The following ERC2 variants were observed in gnomAD, a reference collection of about 807,000 sequenced individuals.
The protein encoded by ERC2 is ELKS/RAB6-interacting/CAST family member 2.
In ERC2, 42 loss-of-function variants were observed where a neutral mutation model predicts 114.8. That is an observed-to-expected ratio of 0.37 (90% confidence interval 0.29 to 0.47). The LOEUF is 0.47. Ranked by LOEUF, ERC2 falls within the 20% of genes least tolerant of loss-of-function variation. The probability of loss-of-function intolerance (pLI) is 0.99; values close to 1 mark genes in which losing one functional copy is unlikely to be tolerated. For synonymous variants in ERC2, 454 were observed against 425.5 expected (o/e 1.07, Z -0.82); for missense variants, 939 against 1,150.7 (o/e 0.82, Z 2.66).
intron 17 of ERC2, among the ~76,000 whole-genome samples, chr3:55,512,189 A>G (rs946771220): frequency 2.0e-4 from 30 of 152,224 alleles, no homozygotes; most frequent in African/African-American, 7.2e-4. Flanking sequence ...AAGAATGCCA[A>G]AGATCCCAGT....
intron 17 of ERC2, among the ~76,000 whole-genome samples, chr3:55,666,230 G>A (rs1029983065): frequency 3.3e-5 from 5 of 152,150 alleles, no homozygotes; most frequent in African/African-American, 9.7e-5. Flanking sequence ...CAATCACTGC[G>A]CAGGAGACCA....
At chr3:56,370,933 A>G (rs751289990) in intron 2 of ERC2, among the ~76,000 whole-genome samples, 1 of 152,054 alleles carries the variant, frequency 6.6e-6, no homozygotes, top group African/African-American at 2.4e-5. Flanking sequence ...GAGACTATTA[A>G]TTGTTCTCAT....
chr3:55,797,779 G>A (rs2070636231), intron 14 of ERC2, among the ~76,000 whole-genome samples: 1 of 152,110 alleles, frequency 6.6e-6, no homozygotes, highest in South Asian at 2.1e-4. Flanking sequence ...TGCTAAGAGA[G>A]TAGATTTTAG....
intron 7 of ERC2, among the ~76,000 whole-genome samples, chr3:56,024,807 CA>C (rs2073943902): frequency 6.6e-6 from 1 of 152,226 alleles, no homozygotes; most frequent in Non-Finnish European, 1.5e-5. Context: ...TTCTTTCTCT[CA>C]AGTTCCTACA....
chr3:56,076,813 T>C (rs965610008), intron 7 of ERC2, among the ~76,000 whole-genome samples: 2 of 152,168 alleles, frequency 1.3e-5, no homozygotes, highest in African/African-American at 4.8e-5. Flanking sequence ...TCCATGCCTG[T>C]CTACATGGCT....
intron 12 of ERC2, among the ~76,000 whole-genome samples, chr3:55,984,482 G>A (rs1455840452): frequency 6.6e-6 from 1 of 152,096 alleles, no homozygotes; most frequent in Non-Finnish European, 1.5e-5. Flanking sequence ...AAAGGAGGGG[G>A]ATACAGGCAG....
intron 15 of ERC2, among the ~76,000 whole-genome samples, chr3:55,713,051 T>A (rs2063856329): frequency 6.6e-6 from 1 of 151,722 alleles, no homozygotes; most frequent in African/African-American, 2.4e-5. Flanking sequence ...ATGCTCTAAT[T>A]TACAATTGAT....
intron 3 of ERC2, among the ~76,000 whole-genome samples, chr3:56,286,553 G>A (rs959082814): frequency 3.3e-5 from 5 of 151,078 alleles, no homozygotes; most frequent in African/African-American, 1.2e-4. Flanking sequence ...TTTACCAAAT[G>A]TCTTGATTCA....
intron 3 of ERC2, among the ~76,000 whole-genome samples, chr3:56,280,160 G>C (rs1205684423): frequency 6.6e-6 from 1 of 152,134 alleles, no homozygotes; most frequent in Non-Finnish European, 1.5e-5. Flanking sequence ...GTGTTGGCTG[G>C]AAAATGGAGG....
intron 3 of ERC2, among the ~76,000 whole-genome samples, chr3:56,281,436 CAA>C (rs71099629): frequency 2.1e-5 from 1 of 47,530 alleles, no homozygotes; most frequent in Non-Finnish European, 3.5e-5. Context: ...GACTCCGTCT[CAA>C]AAAAAAAAAA....
intron 17 of ERC2, among the ~76,000 whole-genome samples, chr3:55,583,523 C>CCCTCCCTTCCTTCCTTCCTT (rs1559693276): frequency 8.1e-5 from 3 of 36,904 alleles, no homozygotes; most frequent in African/African-American, 2.8e-4. Context: ...CTCCCTCCCT[C>CCCTCCCTTCCTTCCTTCCTT]CCTTCCTTCC....
At chr3:55,735,623 G>A (rs1184563029) in intron 14 of ERC2, among the ~76,000 whole-genome samples, 1 of 152,072 alleles carries the variant, frequency 6.6e-6, no homozygotes, top group Non-Finnish European at 1.5e-5. Context: ...TAATGCCCCT[G>A]CCTTTTAATA....
chr3:56,385,992 C>G (rs1340749521), intron 2 of ERC2, among the ~76,000 whole-genome samples: 2 of 152,122 alleles, frequency 1.3e-5, no homozygotes, highest in Non-Finnish European at 2.9e-5. Context: ...GCATTATGAA[C>G]TACTGATAGA....
intron 17 of ERC2, among the ~76,000 whole-genome samples, chr3:55,523,076 A>G (rs1401823601): frequency 1.3e-5 from 2 of 152,212 alleles, no homozygotes; most frequent in Non-Finnish European, 2.9e-5. Context: ...AGGCTAGGAA[A>G]TGCCTTTGGG....
At chr3:56,406,407 G>C in intron 2 of ERC2, among the ~76,000 whole-genome samples, 1 of 152,290 alleles carries the variant, frequency 6.6e-6, no homozygotes, top group Admixed American at 6.5e-5. Flanking sequence ...ACAGTCCCCA[G>C]GGATGTACAC....
intron 17 of ERC2, among the ~76,000 whole-genome samples, chr3:55,528,218 C>T (rs943046901): frequency 2.0e-5 from 3 of 152,142 alleles, no homozygotes; most frequent in Non-Finnish European, 4.4e-5. Flanking sequence ...AGAAACAAAA[C>T]CCTGCCTAGG....
At chr3:56,324,598 A>G (rs1405816945) in intron 2 of ERC2, among the ~76,000 whole-genome samples, 1 of 152,104 alleles carries the variant, frequency 6.6e-6, no homozygotes, top group Non-Finnish European at 1.5e-5. Context: ...ACGGGCCTTC[A>G]TGCATCTTCA....
chr3:55,699,088 A>G (rs1489894126), intron 16 of ERC2, among the ~76,000 whole-genome samples: 1 of 152,018 alleles, frequency 6.6e-6, no homozygotes, highest in Admixed American at 6.5e-5. Flanking sequence ...TTCCAAAGTA[A>G]CCCGCCATGA....
chr3:55,800,896 G>A (rs190796955), intron 14 of ERC2, among the ~76,000 whole-genome samples: 213 of 152,222 alleles, frequency 1.4e-3, no homozygotes, highest in African/African-American at 5.1e-3. Context: ...CCTCAGACTG[G>A]CTGTGTCCCT....
Sources: allele counts gnomAD v4.1 joint callset (sites outside exome capture counted in the v4.1 genomes callset), GRCh38; gene constraint gnomAD v4.1.1; transcripts MANE v1.5; gene names NCBI Gene and HGNC (gene_info 2026-07-23, HGNC 2026-07-21).